Variants in OXSR1 observed in about 807,000 individuals in gnomAD.
OXSR1 encodes serine/threonine-protein kinase OSR1.
OXSR1 carries 24 observed loss-of-function variants against 79.8 expected under a neutral mutation model. That is an observed-to-expected ratio of 0.30 (90% CI 0.22 to 0.42). OXSR1 has a LOEUF of 0.42. OXSR1 is among the 10% of genes least tolerant of loss of function. OXSR1 has a pLI of 1.00. For missense variants in OXSR1, 430 were observed against 618.4 expected (o/e 0.70, Z 3.23); for synonymous variants, 226 against 209.2 (o/e 1.08, Z -0.69).
intron 3 of OXSR1, among the ~76,000 whole-genome samples, chr3:38,195,460 G>A (rs977569320): frequency 6.6e-6 from 1 of 152,050 alleles, no homozygotes; most frequent in Non-Finnish European, 1.5e-5. Context: ...AACATCTTTT[G>A]GTCTAAAATG....
At chr3:38,165,983 C>T in intron 1 of OXSR1, 37 bp downstream of exon 1, 1 of 1,580,176 alleles carries the variant, frequency 6.3e-7, no homozygotes, top group Non-Finnish European at 8.7e-7. Context: ...AGGCGCGGCG[C>T]TGGGAGGCGG....
intron 5 of OXSR1, among the ~76,000 whole-genome samples, chr3:38,219,910 C>G (rs976017678): frequency 2.6e-5 from 4 of 152,164 alleles, no homozygotes; most frequent in Admixed American, 2.0e-4. Flanking sequence ...TAGGCTCAAG[C>G]AGTCCTCCTA....
At chr3:38,218,244 A>T (rs1348332369) in intron 5 of OXSR1, among the ~76,000 whole-genome samples, 1 of 151,964 alleles carries the variant, frequency 6.6e-6, no homozygotes, top group African/African-American at 2.4e-5. Context: ...AGTGCACAAG[A>T]ATCCAATTTC....
intron 11 of OXSR1, among the ~76,000 whole-genome samples, chr3:38,241,754 GT>G (rs34889113): frequency 1.2e-4 from 18 of 148,900 alleles, no homozygotes; most frequent in Admixed American, 8.0e-4. Context: ...ATTTACAAAA[GT>G]TTTTTTTTCT....
At chr3:38,234,962 G>A (rs1476132923) in intron 10 of OXSR1, among the ~76,000 whole-genome samples, 1 of 152,220 alleles carries the variant, frequency 6.6e-6, no homozygotes, top group African/African-American at 2.4e-5. Flanking sequence ...CAAACATTAT[G>A]CTAGTTTAAA....
rs374794688 is a variant in OXSR1 at position 38,242,760 on chromosome 3, A to C, written c.1092A>C (p.Glu364Asp). ...TCGTTTAGTCTCCCCGAGTGAAAGA[A>C]TCAATATCAAATTCTGAGGTAAGTA... ...ISQLRSPRVKESISNSELFPT... is the reference protein window; with the variant it reads ...ISQLRSPRVKDSISNSELFPT... The change falls in exon 12 of 18, where the codon GAA (glutamate) becomes GAC (aspartate). Residue 364 changes from glutamate to aspartate, a missense_variant. By Grantham distance (45) the Glu-to-Asp change is conservative. This residue lies in a region of OXSR1 where 276 missense variants were observed against 354.2 expected (regional missense o/e 0.78). Coordinates refer to ENST00000311806, the MANE Select transcript of OXSR1 (RefSeq NM_005109.3). The C allele has an allele frequency of 5.1e-6, 8 of 1,562,846 alleles. No individual in the cohort carries two copies. In the South Asian group the frequency reaches 6.9e-5, roughly 13 times the overall value.
chr3:38,166,564 G>A (rs998673277), intron 1 of OXSR1, among the ~76,000 whole-genome samples: 1 of 152,110 alleles, frequency 6.6e-6, no homozygotes, highest in Non-Finnish European at 1.5e-5. Flanking sequence ...AGGCCGAGGC[G>A]GGCGGATCAC....
At chr3:38,238,304 G>A (rs920614400) in intron 11 of OXSR1, among the ~76,000 whole-genome samples, 7 of 151,922 alleles carry the variant, frequency 4.6e-5, no homozygotes, top group South Asian at 2.1e-4. Context: ...ATGACCAAAC[G>A]GGTAGGGTGC....
chr3:38,169,585 G>C (rs180755121), intron 1 of OXSR1, among the ~76,000 whole-genome samples: 1 of 151,952 alleles, frequency 6.6e-6, no homozygotes, highest in Non-Finnish European at 1.5e-5. Context: ...GATTACAGGG[G>C]TGAGCCACTG....
chr3:38,193,168 T>C, intron 3 of OXSR1: 1 of 661,900 alleles, frequency 1.5e-6, no homozygotes, highest in Non-Finnish European at 2.4e-6. Flanking sequence ...CATCCACCAC[T>C]GTGCTGACAT....
At chr3:38,191,580 TTTTGTAGGAGGATAC>T (rs1333276597) in intron 3 of OXSR1, among the ~76,000 whole-genome samples, 1 of 152,202 alleles carries the variant, frequency 6.6e-6, no homozygotes, top group Non-Finnish European at 1.5e-5. Context: ...AGGTTAAATA[TTTTGTAGGAGGATAC>T]TTCTTGGTGA....
At chr3:38,224,775 A>G (rs986041591) in intron 8 of OXSR1, 71 bp downstream of exon 8, 3 of 1,006,282 alleles carry the variant, frequency 3.0e-6, no homozygotes, top group Admixed American at 3.0e-5. Flanking sequence ...TCACATACTC[A>G]TATGTACAGG....
chr3:38,251,314 C>A, intron 15 of OXSR1, 89 bp from the exon 16 acceptor site: 1 of 1,053,402 alleles, frequency 9.5e-7, no homozygotes, highest in Non-Finnish European at 1.5e-6. Flanking sequence ...TTGGGCCTAG[C>A]ATGGCACACT....
intron 1 of OXSR1, among the ~76,000 whole-genome samples, chr3:38,166,924 C>T (rs901020574): frequency 6.6e-6 from 1 of 151,866 alleles, no homozygotes; most frequent in African/African-American, 2.4e-5. Flanking sequence ...TTTTCTGAGG[C>T]GATAACATTT....
At chr3:38,209,770 C>T (rs990968058) in intron 4 of OXSR1, among the ~76,000 whole-genome samples, 4 of 151,932 alleles carry the variant, frequency 2.6e-5, no homozygotes, top group African/African-American at 7.3e-5. Flanking sequence ...ACTACAGGCG[C>T]CTGCCACTAC....
chr3:38,193,272 A>G (rs568360594), intron 3 of OXSR1: 14 of 1,289,632 alleles, frequency 1.1e-5, no homozygotes, highest in Admixed American at 4.6e-5. Context: ...TTTTGTTTCA[A>G]TCCCATTAGT....
chr3:38,193,234 A>G (rs1393483139), intron 3 of OXSR1: 2 of 1,279,386 alleles, frequency 1.6e-6, no homozygotes, highest in Middle Eastern at 2.1e-4. Flanking sequence ...TTGTTATTTG[A>G]TGCTTTTCAG....
intron 4 of OXSR1, among the ~76,000 whole-genome samples, chr3:38,210,387 C>T (rs1310450843): frequency 6.6e-6 from 1 of 152,032 alleles, no homozygotes; most frequent in East Asian, 1.9e-4. Context: ...AAATAGTTTC[C>T]CTTGAGGGTA....
intron 4 of OXSR1, among the ~76,000 whole-genome samples, chr3:38,208,063 T>C (rs1051910103): frequency 2.0e-5 from 3 of 151,762 alleles, no homozygotes; most frequent in Non-Finnish European, 2.9e-5. Flanking sequence ...AGGTAATTAA[T>C]TGAATTATGT....
Sources: gnomAD v4.1 joint callset for allele counts (sites outside exome capture counted in the v4.1 genomes callset) on GRCh38, gnomAD v4.1.1 for gene constraint, gnomAD v4.1.1 regional missense constraint, MANE v1.5 for transcripts, NCBI Gene and HGNC (gene_info 2026-07-23, HGNC 2026-07-21) for gene names.